Variants in GVQW3 observed in about 807,000 individuals in gnomAD.
The protein encoded by GVQW3 is protein GVQW3.
A neutral mutation model predicts 12.5 loss-of-function variants in GVQW3; 7 were observed. The ratio of observed to expected loss-of-function variants is 0.56; its 90% CI spans 0.32 to 1.05. GVQW3 has a LOEUF of 1.05. GVQW3 is among the 50% of genes least tolerant of loss of function. The pLI, the probability that GVQW3 is intolerant of heterozygous loss-of-function variation, is 0.04. For missense variants in GVQW3, 188 were observed against 190.8 expected (o/e 0.99, Z 0.09); for synonymous variants, 71 against 67.2 (o/e 1.06, Z -0.28).
chr11:76,411,385 G>C (rs568787565), downstream of GVQW3: 1 of 152,450 alleles, frequency 6.6e-6, no homozygotes, highest in African/African-American at 2.4e-5. Flanking sequence ...TCTGTGTTGG[G>C]CGCCAGTGTG....
downstream of GVQW3, chr11:76,411,961 A>T (rs1274462401): frequency 6.6e-6 from 1 of 152,194 alleles, no homozygotes; most frequent in East Asian, 1.9e-4. Context: ...TGGAATATGG[A>T]TCCACAGATA....
At chr11:76,399,307 A>ATTTTTAGTAGAGATGGGGTTTTTTTGT (rs1946967184) in intron 1 of GVQW3, among the ~76,000 whole-genome samples, 1 of 151,578 alleles carries the variant, frequency 6.6e-6, no homozygotes, top group African/African-American at 2.4e-5. Context: ...ATGCCTGGCT[A>ATTTTTAGTAGAGATGGGGTTTTTTTGT]ATTTTTGTAT....
chr11:76,396,488 AT>A (rs1565245172), intron 1 of GVQW3, among the ~76,000 whole-genome samples: 2 of 151,722 alleles, frequency 1.3e-5, no homozygotes, highest in Non-Finnish European at 2.9e-5. Flanking sequence ...CTAATTTTGT[AT>A]TTTTTTGTAG....
chr11:76,398,457 G>T (rs577816668), intron 1 of GVQW3, among the ~76,000 whole-genome samples: 80 of 152,186 alleles, frequency 5.3e-4, no homozygotes, highest in Admixed American at 1.8e-3. Context: ...GACTACAGGT[G>T]CATGCCACCA....
Position 76,406,805 on chromosome 11 carries a change from G to A in GVQW3, c.*3047G>A, listed in dbSNP as rs973168469. The A allele has an allele frequency of 3.9e-5, 6 of 152,112 alleles. No individual in the cohort carries two copies. The highest frequency in any genetic ancestry group is 6.5e-5 in the Admixed American group (1 of 15,270). The allele number at this position is 152,112 out of a possible 1,614,324, so 9.4% of individuals were successfully genotyped here. A position where few individuals can be genotyped will look rare whatever the true frequency, so the allele number is the denominator to read the frequency against. On this transcript the variant is annotated 3_prime_UTR_variant, in exon 2 of 2. Transcript: ENST00000529331. Reference sequence around the variant, plus strand: ...GGGTCGATCACGAAGTCAGGAGATCGAGACCAACCTGGCTAACACAGTGAA... The same window carrying A: ...GGGTCGATCACGAAGTCAGGAGATCAAGACCAACCTGGCTAACACAGTGAA...
intron 1 of GVQW3, among the ~76,000 whole-genome samples, chr11:76,388,978 C>T (rs1367826655): frequency 6.6e-6 from 1 of 152,130 alleles, no homozygotes; most frequent in African/African-American, 2.4e-5. Flanking sequence ...ATGTTTAGAT[C>T]CTCTGATCCT....
At chr11:76,403,458 G>A (rs973350308) in intron 1 of GVQW3, among the ~76,000 whole-genome samples, 2 of 152,134 alleles carry the variant, frequency 1.3e-5, no homozygotes, top group Admixed American at 1.3e-4. Flanking sequence ...GAGAACTAGA[G>A]TTTAGTGGGT....
Position 76,404,284 on chromosome 11 carries a change from T to C in GVQW3, c.*526T>C. 6.5e-6 allele frequency: 2 copies of C among 306,378 alleles called. No homozygotes were observed. The allele number at this position is 306,378 out of a possible 1,614,324, so 19.0% of individuals were successfully genotyped here. Reference sequence around the variant, plus strand: ...ATTTTATAAATAAGAAAACTGAAGCTCAGAAAGGTTGTCTAAACTGCCAAA... The same window carrying C: ...ATTTTATAAATAAGAAAACTGAAGCCCAGAAAGGTTGTCTAAACTGCCAAA... On this transcript the variant is annotated 3_prime_UTR_variant, in exon 2 of 2. Transcript: ENST00000529331.
At chr11:76,392,760 T>C (rs1946905121) in intron 1 of GVQW3, 1 of 152,260 alleles carries the variant, frequency 6.6e-6, no homozygotes, top group Non-Finnish European at 1.5e-5. Context: ...CAGAGGTGCG[T>C]ATTCATAAGT....
At chr11:76,388,894 G>A (rs1274270441) in intron 1 of GVQW3, among the ~76,000 whole-genome samples, 1 of 152,100 alleles carries the variant, frequency 6.6e-6, no homozygotes, top group Non-Finnish European at 1.5e-5. Flanking sequence ...AAAACACACT[G>A]GCAATGTTAG....
chr11:76,408,876 G>A (rs183502591), downstream of GVQW3, among the ~76,000 whole-genome samples: 85 of 152,272 alleles, frequency 5.6e-4, no homozygotes, highest in East Asian at 0.016. Context: ...GATTTGTACG[G>A]GAGAAATTCT....
At chr11:76,396,762 C>T (rs544967929) in intron 1 of GVQW3, among the ~76,000 whole-genome samples, 2 of 152,266 alleles carry the variant, frequency 1.3e-5, no homozygotes, top group East Asian at 3.9e-4. Context: ...GAACCATCAC[C>T]ACTAATTTTA....
chr11:76,394,319 T>G (rs1157557606), intron 1 of GVQW3, among the ~76,000 whole-genome samples: 1 of 152,004 alleles, frequency 6.6e-6, no homozygotes, highest in Admixed American at 6.6e-5. Flanking sequence ...AACCATCCCC[T>G]TTTCCCCCCA....
At chr11:76,391,868 C>T (rs1590818599) in intron 1 of GVQW3, among the ~76,000 whole-genome samples, 1 of 152,298 alleles carries the variant, frequency 6.6e-6, no homozygotes, top group South Asian at 2.1e-4. Context: ...GCAGGAGAAT[C>T]ACTTGGACCT....
chr11:76,414,046 T>C (rs1020269951), exon 2 of GVQW3: 9 of 152,158 alleles, frequency 5.9e-5, no homozygotes, highest in African/African-American at 1.9e-4. Context: ...TAGGCTACAT[T>C]GGAGGCCGCT....
At chr11:76,392,994 T>G (rs765898218) in intron 1 of GVQW3, 6 of 152,202 alleles carry the variant, frequency 3.9e-5, no homozygotes, top group Non-Finnish European at 8.8e-5. Context: ...TAAGGACTTA[T>G]ATCCCTAAAC....
At chr11:76,394,837 A>G (rs937834871) in intron 1 of GVQW3, 3 of 152,198 alleles carry the variant, frequency 2.0e-5, no homozygotes, top group African/African-American at 7.2e-5. Context: ...TTTTCTCTGC[A>G]TCCTTGCCAA....
intron 1 of GVQW3, among the ~76,000 whole-genome samples, chr11:76,397,924 C>T (rs923592114): frequency 6.6e-6 from 1 of 151,966 alleles, no homozygotes; most frequent in African/African-American, 2.4e-5. Flanking sequence ...CATCTGAGGT[C>T]AGGAGTTTTG....
At chr11:76,408,727 A>C (rs1947063263), downstream of GVQW3, 1 of 152,172 alleles carries the variant, frequency 6.6e-6, no homozygotes, top group South Asian at 2.1e-4. Flanking sequence ...GGATGGTAAA[A>C]CCTGCGAACG....
Sources: allele counts gnomAD v4.1 joint callset (sites outside exome capture counted in the v4.1 genomes callset), GRCh38; gene constraint gnomAD v4.1.1; transcripts MANE v1.5; gene names NCBI Gene and HGNC (gene_info 2026-07-23, HGNC 2026-07-21).